The following HTR1F variants were observed in gnomAD, a reference collection of about 807,000 sequenced individuals.
HTR1F encodes 5-hydroxytryptamine receptor 1F.
Under a neutral mutation model 24.0 loss-of-function variants are expected in HTR1F, and 17 were observed. That is an observed-to-expected ratio of 0.71 (90% confidence interval 0.48 to 1.06). The LOEUF (loss-of-function observed/expected upper bound fraction) is 1.06. HTR1F is among the 50% of genes least tolerant of loss of function. The probability of loss-of-function intolerance (pLI) is 0.00; values close to 1 mark genes in which losing one functional copy is unlikely to be tolerated. For missense variants in HTR1F, 391 were observed against 427.8 expected (o/e 0.91, Z 0.76); for synonymous variants, 186 against 156.8 (o/e 1.19, Z -1.39).
At chr3:87,990,518 CT>C (rs1020418362) in intron 2 of HTR1F, among the ~76,000 whole-genome samples, 189 bp from the exon 3 acceptor site, 2 of 152,006 alleles carry the variant, frequency 1.3e-5, no homozygotes, top group South Asian at 2.1e-4. Flanking sequence ...AAGTTACTGG[CT>C]TTTTTTACTG....
intron 2 of HTR1F, among the ~76,000 whole-genome samples, chr3:87,836,429 T>C (rs1704684581): frequency 6.6e-6 from 1 of 152,220 alleles, no homozygotes; most frequent in Admixed American, 6.5e-5. Context: ...TTGTTTCACG[T>C]TGAGTCACAC....
At chr3:87,957,876 T>C (rs1178317998) in intron 2 of HTR1F, among the ~76,000 whole-genome samples, 3 of 151,440 alleles carry the variant, frequency 2.0e-5, no homozygotes, top group Non-Finnish European at 3.0e-5. Context: ...CTTTTGGCTT[T>C]TTTCATTTGT....
intron 1 of HTR1F, among the ~76,000 whole-genome samples, chr3:87,799,828 A>G (rs1428260826): frequency 6.6e-6 from 1 of 152,188 alleles, no homozygotes; most frequent in African/African-American, 2.4e-5. Context: ...CAAGATGGTA[A>G]CATGGACAGA....
At chr3:87,876,937 G>A (rs73845089) in intron 2 of HTR1F, among the ~76,000 whole-genome samples, 11 of 151,858 alleles carry the variant, frequency 7.2e-5, no homozygotes, top group Admixed American at 2.6e-4. Flanking sequence ...GTAAATTTTC[G>A]TTAAGATGGT....
At chr3:87,848,712 C>T (rs1333602353) in intron 2 of HTR1F, among the ~76,000 whole-genome samples, 6 of 151,670 alleles carry the variant, frequency 4.0e-5, no homozygotes, top group African/African-American at 1.2e-4. Flanking sequence ...AAAACCCCAT[C>T]ATCTCAGCCC....
At chr3:87,871,590 G>A (rs2107255431) in intron 2 of HTR1F, among the ~76,000 whole-genome samples, 1 of 151,992 alleles carries the variant, frequency 6.6e-6, no homozygotes. Context: ...AATCCACAGA[G>A]GCCCACAGCT....
chr3:87,926,108 G>A (rs567626748), intron 2 of HTR1F, among the ~76,000 whole-genome samples: 5 of 152,202 alleles, frequency 3.3e-5, no homozygotes, highest in African/African-American at 1.2e-4. Context: ...CTTTTTTACA[G>A]AAATGTAATT....
intron 2 of HTR1F, among the ~76,000 whole-genome samples, chr3:87,967,241 G>A (rs1395132370): frequency 3.9e-5 from 6 of 152,120 alleles, no homozygotes; most frequent in African/African-American, 1.4e-4. Flanking sequence ...CTTGAGGTCA[G>A]GAGTTTGAGA....
chr3:87,879,617 A>C (rs2107276555), intron 2 of HTR1F, among the ~76,000 whole-genome samples: 1 of 152,370 alleles, frequency 6.6e-6, no homozygotes, highest in Non-Finnish European at 1.5e-5. Flanking sequence ...TGTTCATTAA[A>C]GAAAAATATG....
At chr3:87,928,644 A>G (rs1031676610) in intron 2 of HTR1F, among the ~76,000 whole-genome samples, 8 of 152,156 alleles carry the variant, frequency 5.3e-5, no homozygotes, top group African/African-American at 1.9e-4. Context: ...GAAATGAACC[A>G]CCTTCCGCAG....
At chr3:87,873,063 C>G (rs1269976803) in intron 2 of HTR1F, among the ~76,000 whole-genome samples, 5 of 149,888 alleles carry the variant, frequency 3.3e-5, no homozygotes, top group Non-Finnish European at 5.9e-5. Context: ...GAAACAGAAT[C>G]AATACAATGG....
At chr3:87,967,534 C>T (rs1705192726) in intron 2 of HTR1F, among the ~76,000 whole-genome samples, 2 of 151,556 alleles carry the variant, frequency 1.3e-5, no homozygotes, top group African/African-American at 4.9e-5. Context: ...AATTAGAGCT[C>T]CCATAATTCC....
intron 2 of HTR1F, among the ~76,000 whole-genome samples, chr3:87,930,628 G>A (rs1319693312): frequency 3.3e-5 from 5 of 152,172 alleles, no homozygotes; most frequent in Admixed American, 2.6e-4. Flanking sequence ...GCATCCCTGG[G>A]GTGAAGTCTA....
intron 2 of HTR1F, among the ~76,000 whole-genome samples, chr3:87,955,146 A>G (rs1704916439): frequency 6.6e-6 from 1 of 151,454 alleles, no homozygotes; most frequent in Admixed American, 6.6e-5. Context: ...TGAAGCCACC[A>G]CCATAATCAA....
At position 87,991,750 on chromosome 3, in the gene HTR1F, G is replaced by A; in HGVS notation, c.1001G>A (p.Trp334Ter). ...ISEEMSNFLA[W>*]LGYLNSLINP... ...GAAGAAATGTCCAATTTTTTGGCAT[G>A]GCTTGGGTATCTCAATTCCCTTATA... The change falls in exon 3 of 3, where the codon TGG becomes TAG. Residue 334 changes from tryptophan to a stop codon, truncating the protein, a stop_gained. Coordinates refer to ENST00000319595, the MANE Select transcript of HTR1F (RefSeq NM_001322209.2). LOFTEE classifies it high-confidence loss of function. 1 of 1,613,720 alleles carries A rather than the reference G, an allele frequency of 6.2e-7. No homozygotes were observed. Among genetic ancestry groups the A allele is most frequent in the Non-Finnish European group, 8.5e-7 (1 of 1,179,730 alleles).
chr3:87,990,576 C>A (rs1456405406), intron 2 of HTR1F, 132 bp from the exon 3 acceptor site: 1 of 536,662 alleles, frequency 1.9e-6, no homozygotes, highest in Non-Finnish European at 3.2e-6. Flanking sequence ...AACCTTCAAT[C>A]TGAACCTCAT....
At chr3:87,856,257 G>A (rs1263099339) in intron 2 of HTR1F, among the ~76,000 whole-genome samples, 1 of 151,750 alleles carries the variant, frequency 6.6e-6, no homozygotes, top group Admixed American at 6.6e-5. Flanking sequence ...TACTATCCAG[G>A]GTTTCAGGAA....
intron 1 of HTR1F, among the ~76,000 whole-genome samples, chr3:87,800,565 C>T (rs1008822335): frequency 6.6e-6 from 1 of 152,176 alleles, no homozygotes; most frequent in Non-Finnish European, 1.5e-5. Context: ...TTACATGTCT[C>T]TTCTCTCCAG....
chr3:87,953,830 T>C (rs943516089), intron 2 of HTR1F, among the ~76,000 whole-genome samples: 7 of 151,770 alleles, frequency 4.6e-5, no homozygotes, highest in African/African-American at 1.4e-4. Flanking sequence ...GTGGTAAATA[T>C]ACATAATGGA....
Sources: allele counts gnomAD v4.1 joint callset (sites outside exome capture counted in the v4.1 genomes callset), GRCh38; gene constraint gnomAD v4.1.1; transcripts MANE v1.5; gene names NCBI Gene and HGNC (gene_info 2026-07-23, HGNC 2026-07-21).